The following PCDH19 variants were observed in gnomAD, a reference collection of about 807,000 sequenced individuals.
The protein encoded by PCDH19 is protocadherin 19.
Under a neutral mutation model 46.2 loss-of-function variants are expected in PCDH19, and 6 were observed. The observed-to-expected ratio is 0.13, with a 90% CI of 0.07 to 0.26. The LOEUF (loss-of-function observed/expected upper bound fraction) is 0.26. PCDH19 is among the 10% of genes least tolerant of loss of function. PCDH19 has a pLI of 1.00. For synonymous variants in PCDH19, 481 were observed against 415.7 expected (o/e 1.16, Z -1.91); for missense variants, 740 against 972.3 (o/e 0.76, Z 3.18).
chrX:100,323,192 G>C (rs191875259), intron 5 of PCDH19, among the ~76,000 whole-genome samples: 1 of 110,450 alleles, frequency 9.1e-6, no homozygotes, highest in Non-Finnish European at 1.9e-5. Context: ...TGCCAGTTCT[G>C]TAGACATACC....
chrX:100,323,332 A>T (rs747424328), intron 5 of PCDH19, among the ~76,000 whole-genome samples: 184 of 111,550 alleles, frequency 1.6e-3, no homozygotes, highest in Non-Finnish European at 2.8e-3. Flanking sequence ...TCCCTAAGCA[A>T]CATCTCTTCC....
Position 100,296,540 on chromosome X carries a change from T to C in PCDH19, c.3184A>G (p.Ile1062Val). 2 of 1,211,026 alleles carry C rather than the reference T, an allele frequency of 1.7e-6. No homozygotes were observed. Among genetic ancestry groups the C allele is most frequent in the Non-Finnish European group, 2.2e-6 (2 of 895,181 alleles). The part of the protein sequence containing the change: ...IREAGNGCEA[I>V]SPVTSPLHLK... ...TGGAGGGGGGAGGTGACAGGGCTAA[T>C]CGCCTCACAGCCATTGCCTGCCTCC... Residue 1062 changes from isoleucine to valine, a missense_variant, in exon 6 of 6, where the codon ATT becomes GTT. Physicochemically the swap from Ile to Val is conservative, Grantham distance 29. This residue lies in a region of PCDH19 where 416 missense variants were observed against 476.8 expected (regional missense o/e 0.87). Coordinates refer to ENST00000373034, the MANE Select transcript of PCDH19 (RefSeq NM_001184880.2).
At chrX:100,338,521 CAAAAAAAAA>C (rs67274603) in intron 5 of PCDH19, among the ~76,000 whole-genome samples, 1 of 57,715 alleles carries the variant, frequency 1.7e-5, no homozygotes, top group African/African-American at 6.6e-5. Context: ...GACTCTGTCT[CAAAAAAAAA>C]AAAAAAAAAA....
chrX:100,376,497 G>C (rs1001745782), intron 3 of PCDH19, among the ~76,000 whole-genome samples: 2 of 111,058 alleles, frequency 1.8e-5, no homozygotes, highest in Non-Finnish European at 3.8e-5. Flanking sequence ...ATAGCAAATA[G>C]CTTTTCTTAT....
chrX:100,362,097 A>C (rs1926900662), intron 3 of PCDH19, among the ~76,000 whole-genome samples: 1 of 112,126 alleles, frequency 8.9e-6, no homozygotes, highest in African/African-American at 3.2e-5. Flanking sequence ...GTACTGTGTC[A>C]GACAGCATAC....
rs1924559170 is a variant in PCDH19 at position 100,295,274 on chromosome X, G to A, written c.*1003C>T. The A allele has an allele frequency of 8.9e-6, 1 of 112,116 alleles. No homozygotes were observed. Among genetic ancestry groups the A allele is most frequent in the African/African-American group, 3.2e-5 (1 of 30,816 alleles). 9.2% of individuals were successfully genotyped at this position (112,116 alleles called of 1,213,427 possible). On this transcript the variant is annotated 3_prime_UTR_variant, in exon 6 of 6. Coordinates refer to ENST00000373034, the MANE Select transcript of PCDH19 (RefSeq NM_001184880.2). ...ATCTTCAATTTTAGATGATTGGAGA[G>A]AGGGAATTTCTAAGCCTGGAAACAT...
intron 5 of PCDH19, among the ~76,000 whole-genome samples, chrX:100,321,658 T>G (rs4828019): frequency 0.29 from 31,937 of 109,407 alleles, 3,647 homozygotes; most frequent in Non-Finnish European, 0.35. Flanking sequence ...TCGTTGTAGA[T>G]TCTGGATATT....
At chrX:100,322,865 A>ATATATATATATATATATATATT in intron 5 of PCDH19, among the ~76,000 whole-genome samples, 3 of 54,418 alleles carry the variant, frequency 5.5e-5, no homozygotes, top group African/African-American at 2.5e-4. Context: ...ATATATATAT[A>ATATATATATATATATATATATT]TTTTTGCAGC....
intron 3 of PCDH19, among the ~76,000 whole-genome samples, chrX:100,399,887 T>C (rs1244774549): frequency 8.9e-6 from 1 of 112,215 alleles, no homozygotes; most frequent in East Asian, 2.8e-4. Context: ...TTTAAACGGC[T>C]TTTCTAAATA....
chrX:100,397,972 C>T (rs1392354176), intron 3 of PCDH19, among the ~76,000 whole-genome samples: 1 of 104,996 alleles, frequency 9.5e-6, no homozygotes, highest in African/African-American at 3.4e-5. Flanking sequence ...TTTCCTCTCT[C>T]TTCACTCTTT....
At chrX:100,317,865 A>G (rs767685252) in intron 5 of PCDH19, among the ~76,000 whole-genome samples, 2 of 112,157 alleles carry the variant, frequency 1.8e-5, no homozygotes, top group East Asian at 5.6e-4. Context: ...CCTACTGATG[A>G]CTTACAACTA....
chrX:100,303,595 G>C (rs1163470459), intron 5 of PCDH19, among the ~76,000 whole-genome samples: 5 of 111,411 alleles, frequency 4.5e-5, no homozygotes, highest in Non-Finnish European at 9.4e-5. Flanking sequence ...ACATTCAAGG[G>C]AACACCAGTG....
rs879063841 is a variant in PCDH19, at chrX:100,295,895, CT to C, written c.*381del. On this transcript the variant is annotated 3_prime_UTR_variant, in exon 6 of 6. Transcript: ENST00000373034. ...GCGAGCTTATTAAAGGTGTCCAGAG[CT>C]TTTTTTTTTCACTTTTTGCTTTTTT... is the stretch of plus-strand genomic sequence containing the variant. The C allele has an allele frequency of 2.3e-3, 341 of 149,872 alleles. No individual in the cohort carries two copies. Among genetic ancestry groups the C allele is most frequent in the Middle Eastern group, 5.3e-3 (2 of 380 alleles). 12.4% of individuals were successfully genotyped at this position (149,872 alleles called of 1,213,427 possible).
intron 3 of PCDH19, among the ~76,000 whole-genome samples, chrX:100,397,472 G>A (rs184146347): frequency 1.2e-3 from 140 of 112,118 alleles, no homozygotes; most frequent in African/African-American, 4.2e-3. Flanking sequence ...GTAGAAAATA[G>A]AATTCAAGAT....
At chrX:100,346,489 T>C (rs1926405121) in intron 4 of PCDH19, among the ~76,000 whole-genome samples, 1 of 111,921 alleles carries the variant, frequency 8.9e-6, no homozygotes, top group Admixed American at 9.5e-5. Context: ...GGAGCTAGCA[T>C]ACCTGCGTTT....
chrX:100,405,905 C>T (rs888562698), intron 1 of PCDH19, among the ~76,000 whole-genome samples: 1 of 111,038 alleles, frequency 9.0e-6, no homozygotes, highest in Non-Finnish European at 1.9e-5. Flanking sequence ...CCACTAATCA[C>T]CTGCATCTCC....
chrX:100,368,109 A>G (rs1212021609), intron 3 of PCDH19, among the ~76,000 whole-genome samples: 1 of 112,019 alleles, frequency 8.9e-6, no homozygotes, highest in African/African-American at 3.2e-5. Flanking sequence ...ATTCTGTACA[A>G]GTGCTAGAAA....
intron 4 of PCDH19, among the ~76,000 whole-genome samples, chrX:100,343,798 C>A (rs977374416): frequency 1.8e-5 from 2 of 111,602 alleles, no homozygotes; most frequent in Non-Finnish European, 3.8e-5. Flanking sequence ...AACACAAACC[C>A]TAATAGACCT....
At chrX:100,334,015 C>A (rs916174942) in intron 5 of PCDH19, among the ~76,000 whole-genome samples, 9 of 110,464 alleles carry the variant, frequency 8.1e-5, no homozygotes, top group African/African-American at 3.0e-4. Flanking sequence ...GTCTTGAACT[C>A]CTGGCCTCAA....
Sources: allele counts gnomAD v4.1 joint callset (sites outside exome capture counted in the v4.1 genomes callset), GRCh38; gene constraint gnomAD v4.1.1; regional missense constraint gnomAD v4.1.1; transcripts MANE v1.5; gene names NCBI Gene and HGNC (gene_info 2026-07-23, HGNC 2026-07-21).